SNX24: variants seen among roughly 807,000 people sequenced by gnomAD.
SNX24 encodes sorting nexin 24.
A neutral mutation model predicts 28.7 loss-of-function variants in SNX24; 22 were observed. The ratio of observed to expected loss-of-function variants is 0.77; its 90% CI spans 0.55 to 1.10. The LOEUF (loss-of-function observed/expected upper bound fraction) is 1.10, where lower values mean the gene tolerates loss of function less well. Among genes scored for constraint, SNX24 ranks in the 50% least tolerant of loss-of-function variants. The pLI, the probability that SNX24 is intolerant of heterozygous loss-of-function variation, is 0.00. For synonymous variants in SNX24, 69 were observed against 71.5 expected (o/e 0.96, Z 0.18); for missense variants, 221 against 201.1 (o/e 1.10, Z -0.60).
At chr5:122,975,916 A>G (rs1319465695) in intron 3 of SNX24, among the ~76,000 whole-genome samples, 1 of 152,160 alleles carries the variant, frequency 6.6e-6, no homozygotes, top group East Asian at 1.9e-4. Context: ...TGAGAAACCA[A>G]CTTGACAATT....
intron 5 of SNX24, among the ~76,000 whole-genome samples, chr5:123,027,790 G>A (rs557795958): frequency 1.3e-5 from 2 of 152,220 alleles, no homozygotes; most frequent in East Asian, 3.9e-4. Flanking sequence ...AGTATTTGTT[G>A]AATTAAAAAT....
chr5:122,934,000 C>T (rs570938586), intron 1 of SNX24, among the ~76,000 whole-genome samples: 5 of 152,012 alleles, frequency 3.3e-5, no homozygotes, highest in African/African-American at 1.2e-4. Flanking sequence ...CCAGGCTTGT[C>T]TTGAACTCCT....
intron 3 of SNX24, among the ~76,000 whole-genome samples, chr5:122,975,593 T>C (rs893649516): frequency 1.3e-5 from 2 of 152,104 alleles, no homozygotes; most frequent in African/African-American, 4.8e-5. Context: ...ACAAAAAGAC[T>C]GAAAAAATAT....
intron 1 of SNX24, among the ~76,000 whole-genome samples, chr5:122,855,136 A>G (rs977746783): frequency 6.6e-6 from 1 of 151,746 alleles, no homozygotes; most frequent in Non-Finnish European, 1.5e-5. Flanking sequence ...CAGTGGTGCA[A>G]TCTTGGCTCA....
intron 1 of SNX24, among the ~76,000 whole-genome samples, chr5:122,880,373 A>C (rs1287602670): frequency 6.6e-6 from 1 of 152,188 alleles, no homozygotes; most frequent in Non-Finnish European, 1.5e-5. Flanking sequence ...AGGGTGGAGG[A>C]GAGGAGGCCA....
intron 1 of SNX24, among the ~76,000 whole-genome samples, chr5:122,930,863 C>G (rs1758923822): frequency 6.6e-6 from 1 of 152,160 alleles, no homozygotes; most frequent in South Asian, 2.1e-4. Flanking sequence ...ATGGTAAGTT[C>G]TTACCTAATA....
At chr5:122,894,281 T>C (rs897432734) in intron 1 of SNX24, among the ~76,000 whole-genome samples, 1 of 152,226 alleles carries the variant, frequency 6.6e-6, no homozygotes, top group African/African-American at 2.4e-5. Context: ...TTTGTACTTC[T>C]TGTGTTTCTC....
chr5:123,002,091 G>C (rs753291025), intron 6 of SNX24, 87 bp downstream of exon 6: 5 of 1,019,026 alleles, frequency 4.9e-6, no homozygotes, highest in Non-Finnish European at 7.8e-6. Flanking sequence ...GTCTAACAGA[G>C]TGACATTGGT....
At chr5:122,872,043 T>C (rs1236409528) in intron 1 of SNX24, among the ~76,000 whole-genome samples, 3 of 151,638 alleles carry the variant, frequency 2.0e-5, no homozygotes, top group East Asian at 1.9e-4. Context: ...GCTATTGTTA[T>C]TTCTGATACT....
chr5:123,025,774 A>G (rs755764920), intron 5 of SNX24: 72 of 1,609,318 alleles, frequency 4.5e-5, no homozygotes, highest in Non-Finnish European at 5.8e-5. Flanking sequence ...AAAAAAATGT[A>G]TCAATTTACC....
intron 5 of SNX24, chr5:123,028,409 C>G (rs1762894111): frequency 5.6e-6 from 1 of 178,544 alleles, no homozygotes; most frequent in African/African-American, 2.4e-5. Context: ...ACGCCCACCT[C>G]TGCCGCACGC....
intron 1 of SNX24, among the ~76,000 whole-genome samples, chr5:122,905,519 T>C (rs1168587644): frequency 6.6e-6 from 1 of 152,204 alleles, no homozygotes; most frequent in Non-Finnish European, 1.5e-5. Flanking sequence ...AACATGATGC[T>C]CAAAGGAAAT....
chr5:122,884,278 G>C (rs562587129), intron 1 of SNX24, among the ~76,000 whole-genome samples: 28 of 104,026 alleles, frequency 2.7e-4, no homozygotes, highest in Non-Finnish European at 4.5e-4. Context: ...TTTTCAGACA[G>C]AGTCTCGCTG....
intron 1 of SNX24, among the ~76,000 whole-genome samples, chr5:122,898,877 A>G (rs1757317369): frequency 6.6e-6 from 1 of 152,182 alleles, no homozygotes; most frequent in South Asian, 2.1e-4. Flanking sequence ...GGCAGGCCAA[A>G]TGTGGTTGAT....
downstream of SNX24, among the ~76,000 whole-genome samples, chr5:123,010,759 C>T (rs1037410905): frequency 4.6e-5 from 7 of 152,146 alleles, no homozygotes; most frequent in African/African-American, 1.7e-4. Context: ...AATATTTCAT[C>T]TACATACAAG....
At chr5:122,992,215 C>G (rs559770667) in intron 3 of SNX24, among the ~76,000 whole-genome samples, 28 of 152,112 alleles carry the variant, frequency 1.8e-4, no homozygotes, top group African/African-American at 6.3e-4. Flanking sequence ...TTAGAGATAG[C>G]CAAAGAGAGG....
intron 1 of SNX24, among the ~76,000 whole-genome samples, chr5:122,888,056 A>G (rs923844771): frequency 3.9e-5 from 6 of 152,144 alleles, no homozygotes; most frequent in African/African-American, 9.7e-5. Flanking sequence ...GTCTACCTAT[A>G]TATGTTTCAT....
chr5:122,923,569 G>A (rs892786935), intron 1 of SNX24, among the ~76,000 whole-genome samples: 4 of 152,162 alleles, frequency 2.6e-5, no homozygotes, highest in Non-Finnish European at 4.4e-5. Context: ...TAGACTTTAC[G>A]AAATGGCCTG....
chr5:122,934,093 G>C lies in SNX24; in HGVS notation c.61-2641G>C, dbSNP rs1217527705. Among the ~76,000 whole-genome samples the C allele has an allele frequency of 2.6e-5, 4 of 152,168 alleles. No individual in the cohort carries two copies. In the East Asian group the frequency reaches 5.8e-4, roughly 22 times the overall value. On this transcript the variant is annotated intron_variant, in intron 1 of 6. Transcript: ENST00000261369. Reference sequence around the variant, plus strand: ...GTTCAGTGCTGAATCCCAGAGCCTAGAACAACCCCTGGGCTTCCTGGCTCG... The same window carrying C: ...GTTCAGTGCTGAATCCCAGAGCCTACAACAACCCCTGGGCTTCCTGGCTCG...
Sources: allele counts gnomAD v4.1 joint callset (sites outside exome capture counted in the v4.1 genomes callset), GRCh38; gene constraint gnomAD v4.1.1; transcripts MANE v1.5; gene names NCBI Gene and HGNC (gene_info 2026-07-23, HGNC 2026-07-21).